Variants in TRAPPC10 observed in about 807,000 individuals in gnomAD.
TRAPPC10 encodes TRAPP 130 kDa subunit.
Under a neutral mutation model 125.5 loss-of-function variants are expected in TRAPPC10, and 23 were observed. That is an observed-to-expected ratio of 0.18 (90% CI 0.13 to 0.26). The LOEUF (loss-of-function observed/expected upper bound fraction) is 0.26. TRAPPC10 is among the 10% of genes least tolerant of loss of function. TRAPPC10 has a pLI of 1.00. For synonymous variants in TRAPPC10, 509 were observed against 518.0 expected, an observed-to-expected ratio of 0.98 and a Z score of 0.24; for missense variants, 1,123 against 1,308.4, an observed-to-expected ratio of 0.86 and a Z score of 2.19.
intron 10 of TRAPPC10, 104 bp downstream of exon 10, chr21:44,076,732 C>G: frequency 1.1e-6 from 1 of 905,136 alleles, no homozygotes; most frequent in East Asian, 2.6e-5. Flanking sequence ...TGGGGGGCCC[C>G]TTCTTGTTGG....
intron 1 of TRAPPC10, among the ~76,000 whole-genome samples, chr21:44,023,072 G>A (rs9982512): frequency 6.9e-5 from 8 of 115,362 alleles, no homozygotes; most frequent in Admixed American, 5.0e-4. Flanking sequence ...TTGCTCTGTC[G>A]CCCATGCTGG....
chr21:44,080,212 C>G lies in TRAPPC10; in HGVS notation c.1723+85C>G, dbSNP rs556362620. ...GAATACAAGATATACCAACCACTTACAGTAAACAGTTGCTAACATTTTGCT... is the reference window on the plus strand; with the variant it reads ...GAATACAAGATATACCAACCACTTAGAGTAAACAGTTGCTAACATTTTGCT... On this transcript the variant is annotated intron_variant, in intron 13 of 22. Transcript: ENST00000291574. 31 of 1,144,190 alleles carry G rather than the reference C, an allele frequency of 2.7e-5. No individual in the cohort carries two copies. The South Asian group carries it at 3.4e-4, about 13-fold the overall frequency. 70.9% of individuals were successfully genotyped at this position (1,144,190 alleles called of 1,614,324 possible).
intron 6 of TRAPPC10, chr21:44,062,914 T>G: frequency 8.0e-7 from 1 of 1,244,738 alleles, no homozygotes; most frequent in South Asian, 1.4e-5. Context: ...TATTATACAT[T>G]GTTATGCTTA....
chr21:44,036,082 GTGACATT>G (rs1460669419), intron 2 of TRAPPC10, among the ~76,000 whole-genome samples: 2 of 152,116 alleles, frequency 1.3e-5, no homozygotes, highest in East Asian at 3.9e-4. Flanking sequence ...CAGAGGACAG[GTGACATT>G]TGAAGAATGG....
At chr21:44,037,256 CCTT>C (rs1484077451) in intron 2 of TRAPPC10, among the ~76,000 whole-genome samples, 3 of 152,098 alleles carry the variant, frequency 2.0e-5, no homozygotes, top group South Asian at 4.1e-4. Flanking sequence ...TTGATGGGTT[CCTT>C]CTTCTTGGGT....
In TRAPPC10 at chr21:44,063,682, C is replaced by T. The variant is rs761321889; in HGVS notation, c.935C>T (p.Ser312Phe). 2 of 1,614,090 alleles carry T rather than the reference C, an allele frequency of 1.2e-6. No individual in the cohort carries two copies. Among genetic ancestry groups the T allele is most frequent in the Non-Finnish European group, 8.5e-7 (1 of 1,180,052 alleles). Residue 312 changes from serine to phenylalanine, a missense_variant, in exon 7 of 23, where the codon TCT becomes TTT. Ser to Phe is a radical substitution (Grantham distance 155). This residue lies in a region of TRAPPC10 where 91 missense variants were observed against 127.1 expected (regional missense o/e 0.72). Coordinates refer to ENST00000291574, the MANE Select transcript of TRAPPC10 (RefSeq NM_003274.5). The surrounding 1 kb of genome is among the most constrained non-coding windows in gnomAD (Gnocchi z 4.4). ...TLLDLRSYLF[S>F]RQCTLLLFLQ... is the part of the protein sequence containing the mutation. ...TTAGATCTGCGCAGTTACCTGTTCT[C>T]TCGCCAGTGCACCTTGCTGCTCTTC...
chr21:44,080,494 T>C (rs1428186767), intron 13 of TRAPPC10, among the ~76,000 whole-genome samples: 2 of 152,092 alleles, frequency 1.3e-5, no homozygotes, highest in East Asian at 3.9e-4. Context: ...TAGATCTCAG[T>C]TCTCTTTTAA....
At chr21:44,081,890 G>A (rs1346833156) in intron 13 of TRAPPC10, among the ~76,000 whole-genome samples, 4 of 152,054 alleles carry the variant, frequency 2.6e-5, no homozygotes, top group South Asian at 2.1e-4. Flanking sequence ...AAGAAAGGGG[G>A]ACAACAAAAG....
chr21:44,025,833 TG>T (rs765451681), intron 1 of TRAPPC10, among the ~76,000 whole-genome samples: 907 of 54,718 alleles, frequency 0.017, 4 homozygotes, highest in Middle Eastern at 0.028. Flanking sequence ...TGTGTGTGTG[TG>T]TGTGTGTGTG....
chr21:44,014,957 G>A (rs1157230241), intron 1 of TRAPPC10, among the ~76,000 whole-genome samples: 1 of 152,112 alleles, frequency 6.6e-6, no homozygotes, highest in Non-Finnish European at 1.5e-5. Flanking sequence ...ACTTGGCCTG[G>A]TTTCACTTTA....
intron 20 of TRAPPC10, 97 bp downstream of exon 20, chr21:44,094,330 A>G: frequency 1.7e-6 from 2 of 1,190,996 alleles, no homozygotes; most frequent in South Asian, 1.5e-5. Context: ...AGCTTCTGTC[A>G]ACATAATGAA....
rs1233649525 is a variant in TRAPPC10, at chr21:44,063,692, C to T, written c.945C>T (p.Cys315=). The part of the protein sequence containing the change: ...DLRSYLFSRQ[C]TLLLFLQRPW... ...GCAGTTACCTGTTCTCTCGCCAGTG[C>T]ACCTTGCTGCTCTTCCTGCAGAGGC... Residue 315 remains cysteine, a synonymous_variant, in exon 7 of 23, where the codon TGC becomes TGT. Coordinates refer to ENST00000291574, the MANE Select transcript of TRAPPC10 (RefSeq NM_003274.5). This position sits in a 1 kb window ranked among gnomAD's most constrained non-coding sequence, Gnocchi z 4.4. 1 of 1,614,232 alleles carries T rather than the reference C, an allele frequency of 6.2e-7. No homozygotes were observed. Among genetic ancestry groups the T allele is most frequent in the African/African-American group, 1.3e-5 (1 of 75,064 alleles).
chr21:44,043,463 C>T (rs578058839), intron 3 of TRAPPC10, among the ~76,000 whole-genome samples: 12 of 152,212 alleles, frequency 7.9e-5, no homozygotes, highest in African/African-American at 2.4e-4. Flanking sequence ...CCACCCGCCT[C>T]GGCATCCCAA....
intron 15 of TRAPPC10, 127 bp downstream of exon 15, chr21:44,084,390 A>G: frequency 3.1e-6 from 3 of 953,824 alleles, no homozygotes; most frequent in Non-Finnish European, 4.3e-6. Flanking sequence ...GGGTAACATA[A>G]TGGAAATTTT....
chr21:44,032,037 T>A, intron 1 of TRAPPC10, 54 bp from the exon 2 acceptor site: 1 of 1,435,232 alleles, frequency 7.0e-7, no homozygotes, highest in Non-Finnish European at 9.7e-7. Context: ...TAGAGCCATT[T>A]TGCATGTATT....
chr21:44,015,926 A>G (rs2031788872), intron 1 of TRAPPC10, among the ~76,000 whole-genome samples: 2 of 152,190 alleles, frequency 1.3e-5, no homozygotes, highest in East Asian at 1.9e-4. Context: ...AAATGTTTTA[A>G]TAGACTTTAG....
At position 44,037,788 on chromosome 21, in the gene TRAPPC10, A is replaced by G. The variant is rs2034098479; in HGVS notation, c.150-4A>G. On this transcript the variant is annotated splice_region_variant and splice_polypyrimidine_tract_variant and intron_variant, in intron 2 of 22. Transcript: ENST00000291574. ...TCTCAGTGACTTCAAACAATTGTTT[A>G]CAGGTCCTATGGCCGGGCTCCGAAG... 2.5e-6 allele frequency: 4 copies of G among 1,611,580 alleles called. No homozygotes were observed. The highest frequency in any genetic ancestry group is 2.2e-5 in the South Asian group (2 of 90,762).
At chr21:44,088,414 A>T (rs1471438563) in intron 17 of TRAPPC10, 1 of 175,656 alleles carries the variant, frequency 5.7e-6, no homozygotes. Flanking sequence ...CAGCTCATGG[A>T]ATGTGTCGCT....
chr21:44,092,561 A>T (rs2038658155), intron 19 of TRAPPC10, among the ~76,000 whole-genome samples: 1 of 151,550 alleles, frequency 6.6e-6, no homozygotes, highest in South Asian at 2.1e-4. Context: ...GTGTTTAGAG[A>T]TCAAAGGCTT....
Sources: gnomAD v4.1 joint callset for allele counts (sites outside exome capture counted in the v4.1 genomes callset) on GRCh38, gnomAD v4.1.1 for gene constraint, gnomAD v4.1.1 regional missense constraint, Gnocchi (gnomAD v3.1) non-coding constraint, MANE v1.5 for transcripts, NCBI Gene and HGNC (gene_info 2026-07-23, HGNC 2026-07-21) for gene names.